The following ACOXL variants were observed in gnomAD, a reference collection of about 807,000 sequenced individuals.
The protein encoded by ACOXL is acyl-coenzyme A oxidase-like protein.
A neutral mutation model predicts 71.9 loss-of-function variants in ACOXL; 70 were observed. The ratio of observed to expected loss-of-function variants is 0.97; its 90% CI spans 0.80 to 1.19. ACOXL has a LOEUF of 1.19. Among genes scored for constraint, ACOXL ranks in the 50% most tolerant of loss-of-function variants. The probability of loss-of-function intolerance (pLI) is 0.00; values close to 1 mark genes in which losing one functional copy is unlikely to be tolerated. For synonymous variants in ACOXL, 253 were observed against 281.6 expected (o/e 0.90, Z 1.02); for missense variants, 703 against 736.3 (o/e 0.95, Z 0.52).
rs74897565 is a variant in ACOXL at position 110,800,524 on chromosome 2, T to G, written c.548-1128T>G. 9.5e-3 allele frequency among the ~76,000 whole-genome samples: 1,450 copies of G among 152,206 alleles called. 73 individuals are homozygous for G. The East Asian group carries it at 0.15, about 16-fold the overall frequency. Reference sequence around the variant, plus strand: ...TTTGATACATGAATTTTTTTTTTTTTTGTGGGGAGGACACAATTTAACCCA... The same window carrying G: ...TTTGATACATGAATTTTTTTTTTTTGTGTGGGGAGGACACAATTTAACCCA... On this transcript the variant is annotated intron_variant, in intron 7 of 17. Coordinates refer to ENST00000439055, the MANE Select transcript of ACOXL (RefSeq NM_001142807.4).
chr2:111,053,267 G>T (rs36091399), intron 16 of ACOXL, among the ~76,000 whole-genome samples: 12,157 of 152,232 alleles, frequency 0.08, 603 homozygotes, highest in Non-Finnish European at 0.11. Context: ...AAGTGAACTT[G>T]CTTGGAGCCC....
rs183499658 is a variant in ACOXL at position 111,004,000 on chromosome 2, G to T, written c.1281+7996G>T. Among the ~76,000 whole-genome samples, 227 of 152,250 alleles carry T rather than the reference G, an allele frequency of 1.5e-3. 1 individual carries two copies. The highest frequency in any genetic ancestry group is 5.3e-3 in the African/African-American group (219 of 41,546). On this transcript the variant is annotated intron_variant, in intron 14 of 17. Coordinates refer to ENST00000439055, the MANE Select transcript of ACOXL (RefSeq NM_001142807.4). Reference sequence around the variant, plus strand: ...GTTTGTATTTTTGGCCCGGCTTTTTGCTCAGCTAGCTGTATATTGGCTCAT... The same window carrying T: ...GTTTGTATTTTTGGCCCGGCTTTTTTCTCAGCTAGCTGTATATTGGCTCAT...
chr2:111,045,608 TCAGGTATG>T (rs2065979439), intron 15 of ACOXL, among the ~76,000 whole-genome samples: 1 of 58,790 alleles, frequency 1.7e-5, no homozygotes, highest in Non-Finnish European at 3.8e-5. Context: ...TTACCCACTC[TCAGGTATG>T]TCTTTATGAA....
intron 16 of ACOXL, among the ~76,000 whole-genome samples, chr2:111,090,246 T>A (rs1372495224): frequency 1.3e-5 from 2 of 152,044 alleles, no homozygotes; most frequent in African/African-American, 2.4e-5. Flanking sequence ...AGTTAATCCA[T>A]AAATTCATAT....
intron 10 of ACOXL, among the ~76,000 whole-genome samples, chr2:110,903,710 G>A (rs2059335326): frequency 6.6e-6 from 1 of 152,264 alleles, no homozygotes; most frequent in Non-Finnish European, 1.5e-5. Context: ...CTGGCAGGCG[G>A]TAATTGCTGG....
chr2:110,955,304 G>A (rs1368199694), intron 12 of ACOXL, among the ~76,000 whole-genome samples: 2 of 151,690 alleles, frequency 1.3e-5, no homozygotes, highest in African/African-American at 4.8e-5. Context: ...ATTTGCCCTT[G>A]TGTTTTGTGA....
chr2:110,792,640 A>C (rs1484918202), intron 3 of ACOXL, among the ~76,000 whole-genome samples: 1 of 152,130 alleles, frequency 6.6e-6, no homozygotes, highest in African/African-American at 2.4e-5. Flanking sequence ...AAATAAAAAA[A>C]ACTTAGCCAG....
At chr2:110,802,151 TTAAA>T (rs1398701450) in intron 8 of ACOXL, among the ~76,000 whole-genome samples, 1 of 152,244 alleles carries the variant, frequency 6.6e-6, no homozygotes, top group African/African-American at 2.4e-5. Context: ...TAATGGACTG[TTAAA>T]TAAATGGTTT....
rs375555365 is a variant in ACOXL at position 110,844,509 on chromosome 2, G to GCGGAA, written c.788+3105_788+3106insGGAAC. ...ACCTGATCTTTTCTCTTAGAAGCCT[G>GCGGAA]CAGGTCACCCTTTGACTCTTCTTTT... On this transcript the variant is annotated intron_variant, in intron 10 of 17. Coordinates refer to ENST00000439055, the MANE Select transcript of ACOXL (RefSeq NM_001142807.4). Among the ~76,000 whole-genome samples the GCGGAA allele has an allele frequency of 2.1e-3, 318 of 151,470 alleles. 2 individuals carry two copies. Among genetic ancestry groups the GCGGAA allele is most frequent in the African/African-American group, 7.5e-3 (311 of 41,264 alleles).
Position 111,117,720 on chromosome 2 carries a change from C to G in ACOXL, c.1647C>G (p.Asn549Lys). The change falls in exon 18 of 18, where the codon AAC becomes AAG. Residue 549 changes from asparagine to lysine, a missense_variant. Asn to Lys is a moderately conservative substitution (Grantham distance 94). Transcript: ENST00000439055. Reference protein sequence around the residue: ...YLHAPIAGISNPRAAWAFYPA... With the variant: ...YLHAPIAGISKPRAAWAFYPA... ...ACGCACCAATCGCCGGAATCTCCAA[C>G]CCGCGGGCCGCGTGGGCTTTCTACC... The G allele has an allele frequency of 1.3e-6, 2 of 1,551,756 alleles. No homozygotes were observed. The highest frequency in any genetic ancestry group is 2.4e-5 in the South Asian group (2 of 84,064).
At chr2:110,859,289 G>A (rs189867093) in intron 10 of ACOXL, among the ~76,000 whole-genome samples, 36 of 152,310 alleles carry the variant, frequency 2.4e-4, no homozygotes, top group Non-Finnish European at 1.2e-4. Context: ...GCTTCTGAGC[G>A]TAGCTTTCTA....
At chr2:110,805,420 A>G (rs2105363645) in intron 9 of ACOXL, 25 bp downstream of exon 9, 1 of 1,614,012 alleles carries the variant, frequency 6.2e-7, no homozygotes. Context: ...TTTTAACTTA[A>G]TTATCTACTG....
At chr2:110,929,492 C>T (rs868141831) in intron 11 of ACOXL, among the ~76,000 whole-genome samples, 10 of 152,186 alleles carry the variant, frequency 6.6e-5, no homozygotes, top group Non-Finnish European at 1.0e-4. Flanking sequence ...AGAAAATTTG[C>T]AGCCTGAAGA....
intron 17 of ACOXL, among the ~76,000 whole-genome samples, chr2:111,117,002 T>C (rs1232607826): frequency 6.6e-6 from 1 of 152,216 alleles, no homozygotes; most frequent in African/African-American, 2.4e-5. Context: ...TAACAGCAGA[T>C]GGATTTTCCG....
chr2:110,996,601 T>G (rs2063407815), intron 14 of ACOXL, among the ~76,000 whole-genome samples: 1 of 152,210 alleles, frequency 6.6e-6, no homozygotes, highest in Non-Finnish European at 1.5e-5. Context: ...AAGGCTTTAC[T>G]GCTCCTATTC....
chr2:111,096,455 C>T (rs1039926041), intron 17 of ACOXL, among the ~76,000 whole-genome samples: 1 of 151,962 alleles, frequency 6.6e-6, no homozygotes, highest in African/African-American at 2.4e-5. Context: ...GTTGACCAGG[C>T]TGGTCTTGAA....
At chr2:110,993,856 G>A (rs929190089) in intron 13 of ACOXL, among the ~76,000 whole-genome samples, 9 of 152,106 alleles carry the variant, frequency 5.9e-5, no homozygotes, top group South Asian at 2.1e-4. Context: ...TATGGTTTCC[G>A]TTTGCATTTC....
intron 12 of ACOXL, among the ~76,000 whole-genome samples, chr2:110,954,280 T>C (rs1299492894): frequency 6.6e-6 from 1 of 152,226 alleles, no homozygotes; most frequent in Non-Finnish European, 1.5e-5. Flanking sequence ...ATTTGCCTAT[T>C]TTTAAAACTG....
At chr2:110,741,252 T>C (rs1677496677) in intron 1 of ACOXL, among the ~76,000 whole-genome samples, 1 of 152,124 alleles carries the variant, frequency 6.6e-6, no homozygotes. Context: ...ATAACAGAAA[T>C]GTATTGTCTC....
Sources: gnomAD v4.1 joint callset for allele counts (sites outside exome capture counted in the v4.1 genomes callset) on GRCh38, gnomAD v4.1.1 for gene constraint, MANE v1.5 for transcripts, NCBI Gene and HGNC (gene_info 2026-07-23, HGNC 2026-07-21) for gene names.